ARHGAP15: variants seen among roughly 807,000 people sequenced by gnomAD.
The protein encoded by ARHGAP15 is Rho GTPase activating protein 15.
Under a neutral mutation model 63.7 loss-of-function variants are expected in ARHGAP15, and 51 were observed. The observed-to-expected ratio is 0.80, with a 90% confidence interval of 0.64 to 1.01. The LOEUF (loss-of-function observed/expected upper bound fraction) is 1.01, where lower values mean the gene tolerates loss of function less well. Among genes scored for constraint, ARHGAP15 ranks in the 50% least tolerant of loss-of-function variants. The probability of loss-of-function intolerance (pLI) is 0.00; values close to 1 mark genes in which losing one functional copy is unlikely to be tolerated. For synonymous variants in ARHGAP15, 191 were observed against 193.8 expected, an observed-to-expected ratio of 0.99 and a Z score of 0.12; for missense variants, 560 against 564.6, an observed-to-expected ratio of 0.99 and a Z score of 0.08.
chr2:143,222,085 A>G (rs935281863), intron 4 of ARHGAP15, among the ~76,000 whole-genome samples: 19 of 152,222 alleles, frequency 1.2e-4, no homozygotes, highest in Non-Finnish European at 2.6e-4. Flanking sequence ...ATACTGACAG[A>G]GATGGGTATT....
At chr2:143,515,060 A>G (rs1181107278) in intron 9 of ARHGAP15, among the ~76,000 whole-genome samples, 1 of 152,184 alleles carries the variant, frequency 6.6e-6, no homozygotes, top group Non-Finnish European at 1.5e-5. Flanking sequence ...GAAGACAAGA[A>G]GGATTGTGCA....
At chr2:143,594,986 T>A (rs566416898) in intron 11 of ARHGAP15, among the ~76,000 whole-genome samples, 98 of 152,256 alleles carry the variant, frequency 6.4e-4, no homozygotes, top group African/African-American at 1.9e-3. Context: ...TACAAGCAAA[T>A]GATGGAGTGT....
intron 6 of ARHGAP15, among the ~76,000 whole-genome samples, chr2:143,380,034 G>T (rs1231169854): frequency 6.6e-6 from 1 of 151,814 alleles, no homozygotes; most frequent in African/African-American, 2.4e-5. Context: ...ATGAAGGAAG[G>T]GATAAAAAGA....
At chr2:143,508,634 A>C (rs1693430852) in intron 9 of ARHGAP15, among the ~76,000 whole-genome samples, 1 of 152,172 alleles carries the variant, frequency 6.6e-6, no homozygotes, top group Non-Finnish European at 1.5e-5. Flanking sequence ...TATGTGTGTG[A>C]TGTTGCTTTA....
At chr2:143,450,986 A>G (rs1201158087) in intron 8 of ARHGAP15, among the ~76,000 whole-genome samples, 1 of 151,982 alleles carries the variant, frequency 6.6e-6, no homozygotes, top group Non-Finnish European at 1.5e-5. Flanking sequence ...CACATCATTT[A>G]AAGAGTATTT....
At chr2:143,713,128 TG>T (rs1364637757) in intron 13 of ARHGAP15, among the ~76,000 whole-genome samples, 1 of 152,194 alleles carries the variant, frequency 6.6e-6, no homozygotes, top group Non-Finnish European at 1.5e-5. Context: ...TTCATGCTTC[TG>T]ATAAAGACAT....
rs117281610 is a variant in ARHGAP15 at position 143,685,048 on chromosome 2, G to A, written c.1139-18371G>A. 5.3e-4 allele frequency among the ~76,000 whole-genome samples: 80 copies of A among 152,268 alleles called. 3 individuals are homozygous for A. In the East Asian group the frequency reaches 0.015, roughly 29 times the overall value. ...TAAAATGTCAAATAAAAGTGAGGGG[G>A]GCACTGTGTTTGTTTAATGGACTGC... On this transcript the variant is annotated intron_variant, in intron 12 of 13. Coordinates refer to ENST00000295095, the MANE Select transcript of ARHGAP15 (RefSeq NM_018460.4).
At chr2:143,610,774 G>A (rs1279066610) in intron 11 of ARHGAP15, among the ~76,000 whole-genome samples, 1 of 152,040 alleles carries the variant, frequency 6.6e-6, no homozygotes, top group Non-Finnish European at 1.5e-5. Flanking sequence ...TGTCACCCAG[G>A]GTACAGTGCA....
chr2:143,340,503 A>G (rs569896665), intron 6 of ARHGAP15, among the ~76,000 whole-genome samples: 2 of 149,598 alleles, frequency 1.3e-5, no homozygotes, highest in East Asian at 3.9e-4. Flanking sequence ...TTTTATCCTA[A>G]ATTTTTAATG....
At chr2:143,474,414 A>G (rs899458021) in intron 8 of ARHGAP15, among the ~76,000 whole-genome samples, 3 of 152,208 alleles carry the variant, frequency 2.0e-5, no homozygotes, top group African/African-American at 7.2e-5. Context: ...TAAAAAATGT[A>G]GGATAAAACA....
intron 8 of ARHGAP15, chr2:143,437,363 T>G (rs1454282815): frequency 4.0e-6 from 1 of 248,546 alleles, no homozygotes; most frequent in Non-Finnish European, 7.8e-6. Flanking sequence ...TCTCCAACCC[T>G]GGTATCCTGA....
intron 3 of ARHGAP15, among the ~76,000 whole-genome samples, 160 bp downstream of exon 3, chr2:143,202,362 G>T (rs747831413): frequency 6.6e-6 from 1 of 152,012 alleles, no homozygotes. Flanking sequence ...CTCTCAAAAC[G>T]TTGCAACAAA....
chr2:143,348,711 A>G (rs1685417277), intron 6 of ARHGAP15, among the ~76,000 whole-genome samples: 1 of 152,124 alleles, frequency 6.6e-6, no homozygotes, highest in African/African-American at 2.4e-5. Flanking sequence ...TCCATCTTAC[A>G]CCTAAGGATA....
At chr2:143,470,547 A>T (rs1574492740) in intron 8 of ARHGAP15, among the ~76,000 whole-genome samples, 3 of 148,242 alleles carry the variant, frequency 2.0e-5, no homozygotes, top group African/African-American at 7.5e-5. Flanking sequence ...TATATATTTC[A>T]TTCTGGGAAA....
At chr2:143,733,892 ATT>A (rs939088719) in intron 13 of ARHGAP15, among the ~76,000 whole-genome samples, 1 of 152,106 alleles carries the variant, frequency 6.6e-6, no homozygotes, top group African/African-American at 2.4e-5. Context: ...TATCTACAAA[ATT>A]TTCTTAAAAA....
chr2:143,729,507 T>G (rs2105480807), intron 13 of ARHGAP15, among the ~76,000 whole-genome samples: 1 of 152,352 alleles, frequency 6.6e-6, no homozygotes, highest in Middle Eastern at 3.4e-3. Context: ...TCATTGCATA[T>G]TACGCCTACT....
intron 6 of ARHGAP15, among the ~76,000 whole-genome samples, chr2:143,395,389 G>A (rs1392672961): frequency 1.3e-5 from 2 of 152,074 alleles, no homozygotes; most frequent in African/African-American, 2.4e-5. Context: ...ATAAAACAAA[G>A]TCGATGACTT....
At chr2:143,188,486 G>T (rs1691534362) in intron 2 of ARHGAP15, among the ~76,000 whole-genome samples, 1 of 151,606 alleles carries the variant, frequency 6.6e-6, no homozygotes, top group Non-Finnish European at 1.5e-5. Context: ...TCCTCCCATT[G>T]TTCTCCATCT....
intron 13 of ARHGAP15, among the ~76,000 whole-genome samples, chr2:143,721,927 T>C (rs1302230574): frequency 6.6e-6 from 1 of 152,146 alleles, no homozygotes; most frequent in Non-Finnish European, 1.5e-5. Context: ...ACTCAGGCAA[T>C]CCACCGGCCT....
Sources: allele counts gnomAD v4.1 joint callset (sites outside exome capture counted in the v4.1 genomes callset), GRCh38; gene constraint gnomAD v4.1.1; transcripts MANE v1.5; gene names NCBI Gene and HGNC (gene_info 2026-07-23, HGNC 2026-07-21).